Variants in AGBL1 observed in about 807,000 individuals in gnomAD.
AGBL1 encodes the protein AGBL carboxypeptidase 1.
Under a neutral mutation model 118.9 loss-of-function variants are expected in AGBL1, and 130 were observed. The ratio of observed to expected loss-of-function variants is 1.09; its 90% CI spans 0.95 to 1.26. The LOEUF is 1.26. Ranked by LOEUF, AGBL1 falls within the 50% of genes most tolerant of loss-of-function variation. AGBL1 has a pLI of 0.00. For missense variants in AGBL1, 1,584 were observed against 1,298.1 expected, an observed-to-expected ratio of 1.22 and a Z score of -3.38; for synonymous variants, 555 against 478.9, an observed-to-expected ratio of 1.16 and a Z score of -2.08.
intron 18 of AGBL1, among the ~76,000 whole-genome samples, chr15:86,488,710 T>C (rs1252556685): frequency 6.6e-6 from 1 of 151,996 alleles, no homozygotes; most frequent in Admixed American, 6.6e-5. Flanking sequence ...CCTGTCCTCC[T>C]TGCTTCAAAC....
chr15:86,880,414 G>A (rs1296819957), intron 22 of AGBL1, among the ~76,000 whole-genome samples: 3 of 152,210 alleles, frequency 2.0e-5, no homozygotes, highest in Non-Finnish European at 2.9e-5. Flanking sequence ...CAGGCATGGA[G>A]CAGGGGATGG....
intron 18 of AGBL1, among the ~76,000 whole-genome samples, chr15:86,417,249 T>G (rs1030175525): frequency 6.6e-6 from 1 of 152,210 alleles, no homozygotes; most frequent in Non-Finnish European, 1.5e-5. Flanking sequence ...GCTTCTATCC[T>G]TCATGCCACA....
intron 23 of AGBL1, among the ~76,000 whole-genome samples, chr15:86,962,800 TC>T (rs2081006391): frequency 6.6e-6 from 1 of 152,056 alleles, no homozygotes; most frequent in African/African-American, 2.4e-5. Context: ...GAAACTCTGG[TC>T]CCACCTCAGA....
intron 17 of AGBL1, among the ~76,000 whole-genome samples, chr15:86,311,352 A>G (rs773833461): frequency 6.6e-6 from 1 of 152,232 alleles, no homozygotes; most frequent in Admixed American, 6.5e-5. Context: ...CATTAGAAAG[A>G]AAAATGAAAG....
intron 19 of AGBL1, among the ~76,000 whole-genome samples, chr15:86,544,305 A>G (rs532337444): frequency 2.8e-4 from 42 of 152,256 alleles, no homozygotes; most frequent in Admixed American, 4.6e-4. Context: ...AGCCCAGCCT[A>G]TGTTTACTCA....
intron 18 of AGBL1, among the ~76,000 whole-genome samples, chr15:86,514,736 C>A (rs1163893203): frequency 2.0e-5 from 3 of 152,102 alleles, no homozygotes; most frequent in Non-Finnish European, 4.4e-5. Flanking sequence ...CCATGTCCAC[C>A]CCATGTCCAT....
chr15:86,428,210 G>T (rs1202278183), intron 18 of AGBL1, among the ~76,000 whole-genome samples: 1 of 152,146 alleles, frequency 6.6e-6, no homozygotes, highest in Non-Finnish European at 1.5e-5. Flanking sequence ...TGAAACCCTG[G>T]GTATTTGGAA....
chr15:86,895,496 T>G (rs1315364775), intron 22 of AGBL1, among the ~76,000 whole-genome samples: 3 of 151,964 alleles, frequency 2.0e-5, no homozygotes, highest in African/African-American at 7.2e-5. Flanking sequence ...TTAGCAGTGG[T>G]TTCTCCATGG....
Position 86,262,808 on chromosome 15 carries a change from C to G in AGBL1, c.1000C>G (p.Leu334Val), listed in dbSNP as rs762255401. The stretch of plus-strand genomic sequence containing the variant: ...TGACTTGGAAACAGACGTGAACAAG[C>G]TGAGTTCCAAACCTGGTCTTGACCG... Reference protein sequence around the residue: ...DDDLETDVNKLSSKPGLDRPE... With the variant: ...DDDLETDVNKVSSKPGLDRPE... Residue 334 changes from leucine to valine, a missense_variant, in exon 10 of 23, where the codon CTG (leucine) becomes GTG (valine). Transcript: ENST00000614907. 1.9e-6 allele frequency: 3 copies of G among 1,609,910 alleles called. No individual in the cohort carries two copies. The highest frequency in any genetic ancestry group is 3.4e-5 in the Admixed American group (2 of 59,600).
At chr15:86,331,223 CAAA>C (rs71144041) in intron 17 of AGBL1, among the ~76,000 whole-genome samples, 88 of 97,102 alleles carry the variant, frequency 9.1e-4, no homozygotes, top group African/African-American at 1.1e-3. Flanking sequence ...GACTCCATCT[CAAA>C]AAAAAAAAAA....
chr15:86,097,219 A>G (rs1455599854), intron 1 of AGBL1, among the ~76,000 whole-genome samples: 1 of 152,188 alleles, frequency 6.6e-6, no homozygotes, highest in East Asian at 1.9e-4. Context: ...TTTATGGGAT[A>G]CATGTGATAT....
intron 22 of AGBL1, among the ~76,000 whole-genome samples, chr15:86,713,022 C>T (rs2086584827): frequency 6.6e-6 from 1 of 152,174 alleles, no homozygotes; most frequent in Non-Finnish European, 1.5e-5. Flanking sequence ...GACAATTTAG[C>T]TTGTGTGTCT....
intron 5 of AGBL1, among the ~76,000 whole-genome samples, chr15:86,201,648 G>T (rs932326750): frequency 6.6e-6 from 1 of 152,184 alleles, no homozygotes; most frequent in Non-Finnish European, 1.5e-5. Flanking sequence ...CCTCACCATG[G>T]TGCAAAACCT....
At chr15:86,926,835 T>C (rs1159645608) in intron 23 of AGBL1, among the ~76,000 whole-genome samples, 1 of 152,156 alleles carries the variant, frequency 6.6e-6, no homozygotes, top group Non-Finnish European at 1.5e-5. Flanking sequence ...ACTATTGCAT[T>C]GACCTCAATA....
At chr15:86,648,704 G>C (rs2085324736) in intron 21 of AGBL1, among the ~76,000 whole-genome samples, 1 of 152,166 alleles carries the variant, frequency 6.6e-6, no homozygotes, top group Admixed American at 6.5e-5. Flanking sequence ...ACTAACAGAA[G>C]ACAATAAGAA....
intron 17 of AGBL1, among the ~76,000 whole-genome samples, chr15:86,311,362 GTC>G (rs2079918746): frequency 6.6e-6 from 1 of 152,110 alleles, no homozygotes; most frequent in African/African-American, 2.4e-5. Flanking sequence ...AAAAATGAAA[GTC>G]TATTTTTTGT....
chr15:86,544,933 C>T (rs866560232), intron 19 of AGBL1, among the ~76,000 whole-genome samples: 33 of 152,330 alleles, frequency 2.2e-4, no homozygotes, highest in African/African-American at 2.9e-4. Context: ...TTATTAGCAT[C>T]TCTCCTTATA....
At chr15:86,548,694 C>T (rs2083622225) in intron 20 of AGBL1, among the ~76,000 whole-genome samples, 1 of 150,284 alleles carries the variant, frequency 6.7e-6, no homozygotes, top group South Asian at 2.1e-4. Context: ...CACACACACA[C>T]ACAGCCAGAA....
intron 24 of AGBL1, among the ~76,000 whole-genome samples, chr15:87,002,535 G>A (rs1596727905): frequency 1.3e-5 from 2 of 152,038 alleles, no homozygotes; most frequent in East Asian, 3.9e-4. Flanking sequence ...GTAGCTTGAT[G>A]GGGATGGCAC....
Sources: gnomAD v4.1 joint callset for allele counts (sites outside exome capture counted in the v4.1 genomes callset) on GRCh38, gnomAD v4.1.1 for gene constraint, MANE v1.5 for transcripts, NCBI Gene and HGNC (gene_info 2026-07-23, HGNC 2026-07-21) for gene names.